INPP5B: variants seen among roughly 807,000 people sequenced by gnomAD.
INPP5B encodes inositol polyphosphate-5-phosphatase B, also known as type II inositol 1,4,5-trisphosphate 5-phosphatase.
In INPP5B, 90 loss-of-function variants were observed where a neutral mutation model predicts 118.5. The observed-to-expected ratio is 0.76, with a 90% CI of 0.64 to 0.90. The LOEUF (loss-of-function observed/expected upper bound fraction) is 0.90. INPP5B is among the 40% of genes least tolerant of loss of function. The pLI, the probability that INPP5B is intolerant of heterozygous loss-of-function variation, is 0.00. For missense variants in INPP5B, 984 were observed against 1,125.6 expected (o/e 0.87, Z 1.80); for synonymous variants, 385 against 418.9 (o/e 0.92, Z 0.99).
intron 16 of INPP5B, among the ~76,000 whole-genome samples, chr1:37,876,673 C>G (rs1322007404): frequency 8.1e-6 from 1 of 123,316 alleles, no homozygotes; most frequent in Non-Finnish European, 1.6e-5. Flanking sequence ...TCCTGGCTAA[C>G]ACGGTGAAAC....
chr1:37,888,202 G>A, intron 10 of INPP5B, 41 bp downstream of exon 10: 2 of 1,282,022 alleles, frequency 1.6e-6, no homozygotes, highest in South Asian at 1.7e-5. Flanking sequence ...ACAGCTCTGT[G>A]TGCTTGAAGA....
At chr1:37,921,918 G>A (rs1035930993) in intron 7 of INPP5B, among the ~76,000 whole-genome samples, 1 of 152,202 alleles carries the variant, frequency 6.6e-6, no homozygotes, top group Non-Finnish European at 1.5e-5. Flanking sequence ...TGTAATCCCA[G>A]CTACTCAGGA....
intron 7 of INPP5B, among the ~76,000 whole-genome samples, chr1:37,902,982 C>CA (rs199834282): frequency 0.12 from 16,876 of 135,086 alleles, 1,153 homozygotes; most frequent in Middle Eastern, 0.25. Flanking sequence ...GACCCTGTCT[C>CA]AAAAAAAAAA....
intron 7 of INPP5B, among the ~76,000 whole-genome samples, chr1:37,896,429 T>G (rs1330533811): frequency 2.0e-4 from 28 of 137,118 alleles, no homozygotes; most frequent in Middle Eastern, 4.5e-3. Context: ...GGTGGGGGGG[T>G]CAGCCCCCCG....
chr1:37,897,806 C>T (rs1164374761), intron 7 of INPP5B, among the ~76,000 whole-genome samples: 1 of 151,954 alleles, frequency 6.6e-6, no homozygotes, highest in Non-Finnish European at 1.5e-5. Context: ...AGTAGTGGCA[C>T]ATGCCCATAG....
intron 5 of INPP5B, among the ~76,000 whole-genome samples, chr1:37,942,533 A>G (rs1166792746): frequency 3.3e-5 from 5 of 151,696 alleles, no homozygotes; most frequent in Non-Finnish European, 4.4e-5. Context: ...TATTATTATT[A>G]TTGTTGTATA....
intron 16 of INPP5B, among the ~76,000 whole-genome samples, chr1:37,876,156 T>G (rs1462554001): frequency 6.7e-6 from 1 of 149,360 alleles, no homozygotes. Flanking sequence ...CAGGCTGGAG[T>G]ACAATAGAGT....
chr1:37,945,447 T>C (rs1226972993), intron 3 of INPP5B, among the ~76,000 whole-genome samples: 2 of 152,026 alleles, frequency 1.3e-5, no homozygotes, highest in African/African-American at 4.8e-5. Context: ...AAACAAACAA[T>C]AGATCATGTG....
chr1:37,875,293 G>A (rs891240614), intron 17 of INPP5B, among the ~76,000 whole-genome samples: 2 of 151,934 alleles, frequency 1.3e-5, no homozygotes, highest in East Asian at 1.9e-4. Flanking sequence ...TTTTGAGATG[G>A]AGTCTCACTT....
intron 7 of INPP5B, among the ~76,000 whole-genome samples, chr1:37,926,661 A>G (rs1002496471): frequency 6.6e-6 from 1 of 152,242 alleles, no homozygotes; most frequent in Admixed American, 6.5e-5. Context: ...AAAATAGCCC[A>G]GAATGGCCCC....
At position 37,865,781 on chromosome 1, in the gene INPP5B, T is replaced by C. The variant is rs1641990076; in HGVS notation, c.2494A>G (p.Asn832Asp). 1 of 1,613,406 alleles carries C rather than the reference T, an allele frequency of 6.2e-7. No individual in the cohort carries two copies. Among genetic ancestry groups the C allele is most frequent in the African/African-American group, 1.3e-5 (1 of 74,892 alleles). ...TYHNCLECSG[N>D]YTASKQVIST... ...CTCACCTGTTTGCTTGCTGTGTAGT[T>C]GCCAGAACACTCCAAGCAGTTATGG... The change falls in exon 22 of 24, where the codon AAC (asparagine) becomes GAC (aspartate). Residue 832 changes from asparagine (N) to aspartate (D), a missense_variant. Around this residue, in one of 2 missense-constraint regions of INPP5B, gnomAD observed 634 missense variants for 791.0 expected, o/e 0.80. Transcript: ENST00000373024.
At chr1:37,927,758 C>G (rs560124813) in intron 7 of INPP5B, among the ~76,000 whole-genome samples, 2 of 151,984 alleles carry the variant, frequency 1.3e-5, no homozygotes, top group Non-Finnish European at 2.9e-5. Context: ...AGGATGGTCT[C>G]AATCTCCTGA....
At chr1:37,945,365 A>AGAG in intron 3 of INPP5B, among the ~76,000 whole-genome samples, 1 of 152,242 alleles carries the variant, frequency 6.6e-6, no homozygotes, top group South Asian at 2.1e-4. Flanking sequence ...CCTGGGACGC[A>AGAG]GAGGTTGCAG....
chr1:37,891,490 A>G, intron 7 of INPP5B, 36 bp from the exon 8 acceptor site: 2 of 1,436,186 alleles, frequency 1.4e-6, no homozygotes, highest in East Asian at 2.3e-5. Flanking sequence ...ATATACATAC[A>G]TAGGCTGGAC....
At chr1:37,898,679 G>A (rs1557668706) in intron 7 of INPP5B, among the ~76,000 whole-genome samples, 2 of 150,344 alleles carry the variant, frequency 1.3e-5, no homozygotes, top group African/African-American at 2.4e-5. Flanking sequence ...TGGGCGAAAG[G>A]TGAGACTCTG....
intron 10 of INPP5B, 83 bp from the exon 11 acceptor site, chr1:37,887,548 C>T (rs1643613435): frequency 1.3e-6 from 1 of 763,522 alleles, no homozygotes; most frequent in Non-Finnish European, 2.2e-6. Context: ...GGTGCATAAG[C>T]CCTAGCTTTC....
chr1:37,883,319 T>C, intron 13 of INPP5B: 1 of 985,442 alleles, frequency 1.0e-6, no homozygotes, highest in Non-Finnish European at 1.2e-6. Flanking sequence ...CTGTGTATAC[T>C]GCAACCCACA....
At chr1:37,893,648 A>AT (rs1245493326) in intron 7 of INPP5B, among the ~76,000 whole-genome samples, 1 of 152,010 alleles carries the variant, frequency 6.6e-6, no homozygotes, top group Non-Finnish European at 1.5e-5. Flanking sequence ...TGGCCAGAGG[A>AT]TTTTTTAAAA....
At chr1:37,887,085 C>T in intron 11 of INPP5B, 81 bp from the exon 12 acceptor site, 2 of 1,179,440 alleles carry the variant, frequency 1.7e-6, no homozygotes, top group Admixed American at 1.8e-5. Context: ...TGGAAGCTGG[C>T]TGAGAGTATT....
Sources: gnomAD v4.1 joint callset for allele counts (sites outside exome capture counted in the v4.1 genomes callset) on GRCh38, gnomAD v4.1.1 for gene constraint, gnomAD v4.1.1 regional missense constraint, MANE v1.5 for transcripts, NCBI Gene and HGNC (gene_info 2026-07-23, HGNC 2026-07-21) for gene names.